The following ITSN1 variants were observed in gnomAD, a reference collection of about 807,000 sequenced individuals.
ITSN1 encodes the protein intersectin-1.
Under a neutral mutation model 239.8 loss-of-function variants are expected in ITSN1, and 58 were observed. The observed-to-expected ratio is 0.24, with a 90% CI of 0.20 to 0.30. The LOEUF is 0.30. Among genes scored for constraint, ITSN1 ranks in the 10% least tolerant of loss-of-function variants. The pLI, the probability that ITSN1 is intolerant of heterozygous loss-of-function variation, is 1.00. For missense variants in ITSN1, 1,558 were observed against 2,103.3 expected (o/e 0.74, Z 5.07); for synonymous variants, 780 against 770.8 (o/e 1.01, Z -0.20).
chr21:33,874,751 C>T (rs1045174285), intron 33 of ITSN1, among the ~76,000 whole-genome samples: 1 of 149,388 alleles, frequency 6.7e-6, no homozygotes, highest in African/African-American at 2.5e-5. Flanking sequence ...TGGGTTCAAG[C>T]GATTCTTCTG....
intron 1 of ITSN1, chr21:33,643,379 G>C (rs967616164): frequency 6.6e-6 from 1 of 152,216 alleles, no homozygotes; most frequent in African/African-American, 2.4e-5. Flanking sequence ...CACCGACACG[G>C]TTTTGTGGTG....
In ITSN1 at chr21:33,811,182, C is replaced by G; in HGVS notation, c.2527C>G (p.Pro843Ala). The G allele has an allele frequency of 6.2e-7, 1 of 1,608,402 alleles. No individual in the cohort carries two copies. The highest frequency in any genetic ancestry group is 8.5e-7 in the Non-Finnish European group (1 of 1,176,728). The stretch of plus-strand genomic sequence containing the variant: ...CCCTTTGGCAGTAACCTCTTCAGAG[C>G]CCTCCACGACCCCTAATAACTGGGC... Reference protein sequence around the residue: ...PAPLAVTSSEPSTTPNNWADF... With the variant: ...PAPLAVTSSEASTTPNNWADF... The change falls in exon 21 of 40, where the codon CCC becomes GCC. Residue 843 changes from proline to alanine, a missense_variant. Around this residue, in one of 2 missense-constraint regions of ITSN1, gnomAD observed 982 missense variants for 1,209.9 expected, o/e 0.81. Transcript: ENST00000381318.
At position 33,676,376 on chromosome 21, in the gene ITSN1, T is replaced by G. The variant is rs140184860; in HGVS notation, c.-33+33663T>G. On this transcript the variant is annotated intron_variant, in intron 1 of 39. Coordinates refer to ENST00000381318, the MANE Select transcript of ITSN1 (RefSeq NM_003024.3). ...TTACGAATATTAACCTGCATTTTCT[T>G]CTACAACACTTTCTCTTTTTTAAAA... is the stretch of plus-strand genomic sequence containing the variant. Among the ~76,000 whole-genome samples the G allele has an allele frequency of 2.0e-5, 3 of 152,270 alleles. No individual in the cohort carries two copies. The East Asian group carries it at 5.8e-4, about 29-fold the overall frequency.
In ITSN1 at chr21:33,885,436, T is replaced by C; in HGVS notation, c.4760-3T>C. 1.9e-6 allele frequency: 3 copies of C among 1,613,980 alleles called. No homozygotes were observed. The highest frequency in any genetic ancestry group is 2.2e-5 in the East Asian group (1 of 44,884). On this transcript the variant is annotated splice_polypyrimidine_tract_variant and splice_region_variant and intron_variant, in intron 37 of 39. Transcript: ENST00000381318. ...GCATTTTGTGTTTTTCCTGCCGTCA[T>C]AGTCCGTTCCCAAAGGGCAACAGGC...
chr21:33,737,941 G>A (rs1375909194), intron 5 of ITSN1, among the ~76,000 whole-genome samples: 2 of 152,126 alleles, frequency 1.3e-5, no homozygotes. Flanking sequence ...TCAGCACTTT[G>A]GGAGGCCGAG....
At chr21:33,798,137 G>A (rs181427142) in intron 18 of ITSN1, among the ~76,000 whole-genome samples, 7 of 151,458 alleles carry the variant, frequency 4.6e-5, no homozygotes, top group Non-Finnish European at 8.8e-5. Flanking sequence ...TCACTCTGTC[G>A]CCTAGGCTAG....
chr21:33,856,948 T>C, intron 30 of ITSN1, 91 bp downstream of exon 30: 1 of 1,278,394 alleles, frequency 7.8e-7, no homozygotes, highest in Non-Finnish European at 1.1e-6. Flanking sequence ...GTCCTGATTC[T>C]GAGCCCAAGA....
chr21:33,841,355 C>A (rs917166807), intron 29 of ITSN1, among the ~76,000 whole-genome samples: 64 of 152,020 alleles, frequency 4.2e-4, no homozygotes, highest in African/African-American at 1.5e-3. Flanking sequence ...CAACCTAGTA[C>A]AATATATCAT....
intron 33 of ITSN1, 34 bp from the exon 34 acceptor site, chr21:33,875,320 A>G (rs766509048): frequency 1.9e-6 from 3 of 1,612,650 alleles, no homozygotes; most frequent in South Asian, 2.2e-5. Context: ...CACATTGCCT[A>G]AAAGGAGGTG....
intron 1 of ITSN1, among the ~76,000 whole-genome samples, chr21:33,658,686 C>T (rs545962543): frequency 7.9e-5 from 12 of 152,310 alleles, no homozygotes; most frequent in East Asian, 7.7e-4. Flanking sequence ...CATTGCTCAC[C>T]TGCCACCTTT....
At chr21:33,702,280 C>T (rs2092058323) in intron 1 of ITSN1, among the ~76,000 whole-genome samples, 1 of 151,878 alleles carries the variant, frequency 6.6e-6, no homozygotes, top group African/African-American at 2.4e-5. Context: ...CCACACCCAG[C>T]TAATTTTTAT....
intron 1 of ITSN1, among the ~76,000 whole-genome samples, chr21:33,671,786 C>A (rs571076995): frequency 6.6e-6 from 1 of 151,522 alleles, no homozygotes; most frequent in East Asian, 2.0e-4. Flanking sequence ...AGCGAGACTC[C>A]GTCTCAAATA....
chr21:33,805,590 T>A (rs2072351918), intron 20 of ITSN1, among the ~76,000 whole-genome samples: 2 of 152,202 alleles, frequency 1.3e-5, no homozygotes, highest in Non-Finnish European at 2.9e-5. Context: ...TATTGTGTGC[T>A]ACAGTGGCGG....
At chr21:33,717,298 G>C (rs1051803386) in intron 1 of ITSN1, among the ~76,000 whole-genome samples, 7 of 151,878 alleles carry the variant, frequency 4.6e-5, no homozygotes, top group Non-Finnish European at 1.0e-4. Flanking sequence ...CCGAGCTCAG[G>C]TTATTCTGCC....
intron 27 of ITSN1, among the ~76,000 whole-genome samples, chr21:33,833,530 T>A (rs1367707275): frequency 1.3e-5 from 2 of 152,194 alleles, no homozygotes; most frequent in African/African-American, 4.8e-5. Context: ...CTATTATCCT[T>A]CTGGAATTGT....
chr21:33,729,010 C>T (rs2066002197), intron 4 of ITSN1, among the ~76,000 whole-genome samples: 1 of 152,180 alleles, frequency 6.6e-6, no homozygotes. Context: ...TGAGGCCAGG[C>T]TTTGTGGATG....
chr21:33,642,909 C>T (rs2087533131), intron 1 of ITSN1, among the ~76,000 whole-genome samples, 196 bp downstream of exon 1: 1 of 151,310 alleles, frequency 6.6e-6, no homozygotes, highest in South Asian at 2.1e-4. Flanking sequence ...TCCTTCCCGT[C>T]CTCGGGGGTG....
chr21:33,811,123 C>G lies in ITSN1; in HGVS notation c.2468C>G (p.Pro823Arg), dbSNP rs779459072. 3 of 1,614,112 alleles carry G rather than the reference C, an allele frequency of 1.9e-6. No individual in the cohort carries two copies. The Admixed American group carries it at 5.0e-5, about 27-fold the overall frequency. The change falls in exon 21 of 40, where the codon CCT (proline) becomes CGT (arginine). Residue 823 changes from proline to arginine, a missense_variant. Coordinates refer to ENST00000381318, the MANE Select transcript of ITSN1 (RefSeq NM_003024.3). Reference sequence around the variant, plus strand: ...CCAGTGACTGATTCAACATCTGCCCCTGCCCCCAAACTGGCCTTGCGTGAG... The same window carrying G: ...CCAGTGACTGATTCAACATCTGCCCGTGCCCCCAAACTGGCCTTGCGTGAG... ...VKPVTDSTSA[P>R]APKLALRETP...
intron 4 of ITSN1, 56 bp downstream of exon 4, chr21:33,722,707 G>A (rs749237118): frequency 1.4e-5 from 21 of 1,472,342 alleles, no homozygotes; most frequent in Admixed American, 5.0e-5. Context: ...ATAAAATATC[G>A]TTTTGTTCTA....
Sources: allele counts gnomAD v4.1 joint callset (sites outside exome capture counted in the v4.1 genomes callset), GRCh38; gene constraint gnomAD v4.1.1; regional missense constraint gnomAD v4.1.1; transcripts MANE v1.5; gene names NCBI Gene and HGNC (gene_info 2026-07-23, HGNC 2026-07-21).